Variants in VCAN observed in about 807,000 individuals in gnomAD.
The protein encoded by VCAN is versican core protein.
Under a neutral mutation model 245.5 loss-of-function variants are expected in VCAN, and 44 were observed. That is an observed-to-expected ratio of 0.18 (90% confidence interval 0.14 to 0.23). The LOEUF is 0.23. VCAN is among the 10% of genes least tolerant of loss of function. The pLI, the probability that VCAN is intolerant of heterozygous loss-of-function variation, is 1.00. For missense variants in VCAN, 3,793 were observed against 4,057.9 expected, an observed-to-expected ratio of 0.93 and a Z score of 1.77; for synonymous variants, 1,413 against 1,437.0, an observed-to-expected ratio of 0.98 and a Z score of 0.38.
chr5:83,476,877 C>T (rs1744411473), intron 1 of VCAN, among the ~76,000 whole-genome samples: 1 of 152,120 alleles, frequency 6.6e-6, no homozygotes, highest in Admixed American at 6.5e-5. Flanking sequence ...TATATACTTT[C>T]CACATCTGTA....
chr5:83,560,846 A>AT (rs1290734686), intron 12 of VCAN, among the ~76,000 whole-genome samples: 1 of 152,056 alleles, frequency 6.6e-6, no homozygotes, highest in Non-Finnish European at 1.5e-5. Context: ...TTCTTCAATG[A>AT]TTCCCCCCAG....
intron 6 of VCAN, among the ~76,000 whole-genome samples, chr5:83,514,929 G>A (rs903153015): frequency 6.6e-6 from 1 of 152,160 alleles, no homozygotes; most frequent in African/African-American, 2.4e-5. Flanking sequence ...GGCTGGTTAT[G>A]TAGAGGAATT....
Position 83,541,260 on chromosome 5 carries a change from G to A in VCAN, c.8257G>A (p.Asp2753Asn), listed in dbSNP as rs1746976053. ...TGAAAGGACTCAGGAGGAGTATGAA[G>A]ACAAAAAACATGCTGGTCCTTCTTT... Reference protein sequence around the residue: ...QFERTQEEYEDKKHAGPSFQP... With the variant: ...QFERTQEEYENKKHAGPSFQP... Residue 2753 changes from aspartate (D) to asparagine (N), a missense_variant, in exon 8 of 15, where the codon GAC (aspartate) becomes AAC (asparagine). By Grantham distance (23) the Asp-to-Asn change is conservative (BLOSUM62 1). Around this residue, in one of 5 missense-constraint regions of VCAN, gnomAD observed 3,182 missense variants for 3,250.3 expected, o/e 0.98. Transcript: ENST00000265077. The A allele has an allele frequency of 1.2e-6, 2 of 1,613,774 alleles. No individual in the cohort carries two copies. The highest frequency in any genetic ancestry group is 1.7e-6 in the Non-Finnish European group (2 of 1,179,976).
In VCAN at chr5:83,540,035, C is replaced by T. The variant is rs2112446299; in HGVS notation, c.7032C>T (p.Pro2344=). The T allele has an allele frequency of 6.2e-7, 1 of 1,614,044 alleles. No individual in the cohort carries two copies. Among genetic ancestry groups the T allele is most frequent in the Non-Finnish European group, 8.5e-7 (1 of 1,179,986 alleles). ...EILSDTGAEG[P]TVAPLPFSTD... Reference sequence around the variant, plus strand: ...TAAGTGACACTGGAGCAGAAGGACCCACGGTGGCACCTCTCCCTTTCTCCA... The same window carrying T: ...TAAGTGACACTGGAGCAGAAGGACCTACGGTGGCACCTCTCCCTTTCTCCA... Residue 2344 remains proline, a synonymous_variant, in exon 8 of 15, where the codon CCC becomes CCT. Coordinates refer to ENST00000265077, the MANE Select transcript of VCAN (RefSeq NM_004385.5).
At chr5:83,533,288 C>A (rs757617786) in intron 7 of VCAN, among the ~76,000 whole-genome samples, 22 of 152,052 alleles carry the variant, frequency 1.4e-4, no homozygotes, top group African/African-American at 2.4e-4. Flanking sequence ...AGAAAGGAAT[C>A]CTAATCTAAA....
intron 13 of VCAN, among the ~76,000 whole-genome samples, chr5:83,577,205 TC>T (rs1748518113): frequency 6.6e-6 from 1 of 152,148 alleles, no homozygotes; most frequent in African/African-American, 2.4e-5. Context: ...ATGGCTTACA[TC>T]CTGTCCCTGA....
At chr5:83,528,518 A>G (rs1173453540) in intron 7 of VCAN, among the ~76,000 whole-genome samples, 1 of 152,114 alleles carries the variant, frequency 6.6e-6, no homozygotes, top group African/African-American at 2.4e-5. Context: ...AGTACAGTTC[A>G]TGAAAACCCG....
At chr5:83,571,003 C>T (rs1748267192) in intron 12 of VCAN, among the ~76,000 whole-genome samples, 1 of 151,602 alleles carries the variant, frequency 6.6e-6, no homozygotes, top group Non-Finnish European at 1.5e-5. Flanking sequence ...ATCTGTAGGC[C>T]CAGAAAAGAC....
At position 83,549,480 on chromosome 5, in the gene VCAN, G is replaced by T. The variant is rs568768834; in HGVS notation, c.9493+1396G>T. Among the ~76,000 whole-genome samples, 7 of 152,256 alleles carry T rather than the reference G, an allele frequency of 4.6e-5. No homozygotes were observed. The South Asian group carries it at 1.5e-3, about 32-fold the overall frequency. On this transcript the variant is annotated intron_variant, in intron 10 of 14. Coordinates refer to ENST00000265077, the MANE Select transcript of VCAN (RefSeq NM_004385.5). ...TCACACAGCTAGTAAATCGTACAAT[G>T]GGAAAAGTGAACCTAAATGGCTTAA...
chr5:83,487,296 A>G (rs1744825404), intron 2 of VCAN, among the ~76,000 whole-genome samples: 1 of 152,284 alleles, frequency 6.6e-6, no homozygotes, highest in East Asian at 1.9e-4. Context: ...AATTTACATC[A>G]TCTTTACTCT....
At chr5:83,488,346 G>A (rs1332568187) in intron 2 of VCAN, among the ~76,000 whole-genome samples, 2 of 152,190 alleles carry the variant, frequency 1.3e-5, no homozygotes, top group Non-Finnish European at 2.9e-5. Context: ...TCTAGACTTT[G>A]AAAAGGAACT....
intron 7 of VCAN, among the ~76,000 whole-genome samples, chr5:83,534,741 T>C (rs552658866): frequency 1.1e-4 from 17 of 152,228 alleles, no homozygotes; most frequent in Admixed American, 4.6e-4. Flanking sequence ...GTTTTAGCAA[T>C]GAGAGACTCC....
At position 83,541,065 on chromosome 5, in the gene VCAN, C is replaced by T. The variant is rs1248897910; in HGVS notation, c.8062C>T (p.Pro2688Ser). 6.2e-7 allele frequency: 1 copy of T among 1,613,930 alleles called. No individual in the cohort carries two copies. Among genetic ancestry groups the T allele is most frequent in the Non-Finnish European group, 8.5e-7 (1 of 1,180,000 alleles). ...STETELDVLLPTATSLPIPRK... is the reference protein window; with the variant it reads ...STETELDVLLSTATSLPIPRK... ...AGAAACAGAATTAGACGTTTTACTTCCCACGGCAACATCCCTGCCAATTCC... is the reference window on the plus strand; with the variant it reads ...AGAAACAGAATTAGACGTTTTACTTTCCACGGCAACATCCCTGCCAATTCC... Residue 2688 changes from proline (P) to serine (S), a missense_variant, in exon 8 of 15, where the codon CCC becomes TCC. Physicochemically the swap from Pro to Ser is moderately conservative, Grantham distance 74 (BLOSUM62 -1). Coordinates refer to ENST00000265077, the MANE Select transcript of VCAN (RefSeq NM_004385.5).
chr5:83,532,409 A>C (rs749340510), intron 7 of VCAN, among the ~76,000 whole-genome samples: 2 of 152,142 alleles, frequency 1.3e-5, no homozygotes, highest in Non-Finnish European at 2.9e-5. Context: ...GATAGGTTTT[A>C]TACCCCACCT....
chr5:83,565,432 TGAGA>T (rs5869185), intron 12 of VCAN, among the ~76,000 whole-genome samples: 29,715 of 150,980 alleles, frequency 0.2, 3,218 homozygotes, highest in South Asian at 0.43. Context: ...TGTGTATGTG[TGAGA>T]GAGAGACAGA....
chr5:83,567,441 C>A (rs927249159), intron 12 of VCAN, among the ~76,000 whole-genome samples: 4 of 151,702 alleles, frequency 2.6e-5, no homozygotes, highest in Non-Finnish European at 5.9e-5. Context: ...GCTGGGATTA[C>A]AGGTGGCTGC....
At chr5:83,491,130 G>A (rs996760283) in intron 3 of VCAN, among the ~76,000 whole-genome samples, 6 of 152,092 alleles carry the variant, frequency 3.9e-5, no homozygotes, top group Admixed American at 3.9e-4. Context: ...AGACATTTTA[G>A]TTTCACCCTC....
At chr5:83,557,028 C>G (rs143863528) in intron 12 of VCAN, among the ~76,000 whole-genome samples, 5 of 152,152 alleles carry the variant, frequency 3.3e-5, no homozygotes, top group Admixed American at 3.3e-4. Flanking sequence ...AGCTGGCATG[C>G]CCAGGACTCA....
rs745580084 is a variant in VCAN, at chr5:83,540,974, T to C, written c.7971T>C (p.Tyr2657=). 1.2e-5 allele frequency: 20 copies of C among 1,613,994 alleles called. No individual in the cohort carries two copies. In the South Asian group the frequency reaches 2.0e-4, roughly 16 times the overall value. Residue 2657 remains tyrosine (Y), a synonymous_variant, in exon 8 of 15, where the codon TAT becomes TAC. Coordinates refer to ENST00000265077, the MANE Select transcript of VCAN (RefSeq NM_004385.5). ...CAACACATGATGAATCAATGACTTA[T>C]GAAGATAGAAGCCAACTAGATCACA... ...TQATHDESMT[Y]EDRSQLDHMG... is the part of the protein sequence containing the mutation.
Sources: allele counts gnomAD v4.1 joint callset (sites outside exome capture counted in the v4.1 genomes callset), GRCh38; gene constraint gnomAD v4.1.1; regional missense constraint gnomAD v4.1.1; transcripts MANE v1.5; gene names NCBI Gene and HGNC (gene_info 2026-07-23, HGNC 2026-07-21).